Variants in CYFIP1 observed in about 807,000 individuals in gnomAD.
CYFIP1 encodes cytoplasmic FMR1-interacting protein 1.
A neutral mutation model predicts 163.5 loss-of-function variants in CYFIP1; 58 were observed. The observed-to-expected ratio is 0.35, with a 90% confidence interval of 0.29 to 0.44. The LOEUF (loss-of-function observed/expected upper bound fraction) is 0.44. CYFIP1 is among the 20% of genes least tolerant of loss of function. The probability of loss-of-function intolerance (pLI) is 1.00; values close to 1 mark genes in which losing one functional copy is unlikely to be tolerated. For synonymous variants in CYFIP1, 663 were observed against 660.7 expected, an observed-to-expected ratio of 1.00 and a Z score of -0.05; for missense variants, 1,338 against 1,653.8, an observed-to-expected ratio of 0.81 and a Z score of 3.31.
At chr15:22,927,754 G>A (rs8029108) in intron 12 of CYFIP1, 152 bp downstream of exon 12, 389,356 of 660,374 alleles carry the variant, frequency 0.59, 117,458 homozygotes, top group East Asian at 0.77. Context: ...ACATAAATGA[G>A]ATGTACTTAA....
At chr15:22,874,670 T>C (rs2059532492) in intron 27 of CYFIP1, 26 bp from the exon 28 acceptor site, 1 of 1,495,756 alleles carries the variant, frequency 6.7e-7, no homozygotes, top group African/African-American at 1.4e-5. Flanking sequence ...TATTTTACTA[T>C]ATTCTGCTCC....
intron 13 of CYFIP1, among the ~76,000 whole-genome samples, chr15:22,921,134 C>T (rs2061161920): frequency 1.3e-5 from 2 of 152,078 alleles, no homozygotes; most frequent in South Asian, 4.1e-4. Flanking sequence ...TTTTGGGAGG[C>T]CGAGGCAGGC....
Position 22,881,927 on chromosome 15 carries a change from T to C in CYFIP1, c.2830A>G (p.Thr944Ala). ...AGCGTCTTCACGTACTGCAGGATTG[T>C]GCCTTGCAGCTGCCGGGGAGATGAG... Reference protein sequence around the residue: ...LKVVKSLLQGTILQYVKTLME... With the variant: ...LKVVKSLLQGAILQYVKTLME... Residue 944 changes from threonine to alanine, a missense_variant, in exon 25 of 31, where the codon ACA (threonine) becomes GCA (alanine). Physicochemically the swap from Thr to Ala is moderately conservative, Grantham distance 58 (BLOSUM62 0). Around this residue, in one of 4 missense-constraint regions of CYFIP1, gnomAD observed 824 missense variants for 995.7 expected, o/e 0.83. Coordinates refer to ENST00000617928, the MANE Select transcript of CYFIP1 (RefSeq NM_014608.6). 1 of 1,612,222 alleles carries C rather than the reference T, an allele frequency of 6.2e-7. No individual in the cohort carries two copies. Among genetic ancestry groups the C allele is most frequent in the African/African-American group, 1.3e-5 (1 of 75,048 alleles).
intron 23 of CYFIP1, 89 bp downstream of exon 23, chr15:22,892,801 G>C (rs1483385969): frequency 1.1e-6 from 1 of 906,810 alleles, no homozygotes; most frequent in Non-Finnish European, 1.8e-6. Flanking sequence ...GATACATTTA[G>C]GTCACTGCAA....
intron 30 of CYFIP1, among the ~76,000 whole-genome samples, chr15:22,872,209 C>T (rs570592425): frequency 6.6e-6 from 1 of 150,542 alleles, no homozygotes; most frequent in Non-Finnish European, 1.5e-5. Flanking sequence ...GCAGGAGAAT[C>T]ACTTGAACCT....
chr15:22,879,708 G>C (rs191663006), intron 26 of CYFIP1, among the ~76,000 whole-genome samples: 1 of 150,194 alleles, frequency 6.7e-6, no homozygotes, highest in East Asian at 1.9e-4. Flanking sequence ...ACATTCTTGA[G>C]ACAGTGAACT....
At chr15:22,871,374 TAATTG>T (rs1248867633) in intron 30 of CYFIP1, among the ~76,000 whole-genome samples, 1 of 152,198 alleles carries the variant, frequency 6.6e-6, no homozygotes, top group African/African-American at 2.4e-5. Flanking sequence ...TTGAAGAACC[TAATTG>T]AACTTTAAAA....
intron 26 of CYFIP1, among the ~76,000 whole-genome samples, chr15:22,878,168 C>T (rs542094865): frequency 8.5e-5 from 13 of 152,322 alleles, no homozygotes; most frequent in Non-Finnish European, 1.6e-4. Context: ...CAAGCCAATA[C>T]GCTTCGCCAG....
chr15:22,943,076 A>T (rs1457094921), intron 6 of CYFIP1, 97 bp downstream of exon 6: 10 of 1,201,884 alleles, frequency 8.3e-6, no homozygotes, highest in Non-Finnish European at 1.2e-5. Flanking sequence ...AGAAGTGACG[A>T]CTTCAGCAAA....
At chr15:22,957,553 G>C (rs539445247) in intron 1 of CYFIP1, among the ~76,000 whole-genome samples, 33 of 152,204 alleles carry the variant, frequency 2.2e-4, no homozygotes, top group African/African-American at 7.0e-4. Flanking sequence ...GGAGAATGGC[G>C]TGAACCCAGG....
At chr15:22,918,641 T>C (rs2061076375) in intron 14 of CYFIP1, 51 bp downstream of exon 14, 1 of 1,465,260 alleles carries the variant, frequency 6.8e-7, no homozygotes, top group East Asian at 2.5e-5. Flanking sequence ...GAATCCAAGT[T>C]CATCCGAGGA....
chr15:22,883,561 T>C (rs2059834805), intron 23 of CYFIP1, among the ~76,000 whole-genome samples: 1 of 152,166 alleles, frequency 6.6e-6, no homozygotes, highest in South Asian at 2.1e-4. Context: ...CTCACACCTG[T>C]AATCCCAGCC....
At position 22,966,295 on chromosome 15, in the gene CYFIP1, C is replaced by T. The variant is rs559971457; in HGVS notation, c.-7+13992G>A. 1.4e-4 allele frequency among the ~76,000 whole-genome samples: 22 copies of T among 151,850 alleles called. 1 individual carries two copies. In the South Asian group the frequency reaches 4.2e-3, roughly 29 times the overall value. On this transcript the variant is annotated intron_variant, in intron 1 of 30. Transcript: ENST00000617928. ...GGCTGAGGCAGGAGAATCGCTCGAA[C>T]CCGGGAGGCAGAGGTTGCGGTGGGC...
At chr15:22,905,830 G>C (rs1256807165) in intron 21 of CYFIP1, among the ~76,000 whole-genome samples, 2 of 151,740 alleles carry the variant, frequency 1.3e-5, no homozygotes, top group Non-Finnish European at 2.9e-5. Context: ...AACGATCTCG[G>C]CTCACTGCAA....
chr15:22,910,851 C>T, intron 18 of CYFIP1, 38 bp from the exon 19 acceptor site: 2 of 1,536,680 alleles, frequency 1.3e-6, no homozygotes, highest in Non-Finnish European at 1.8e-6. Context: ...GTTTGATTCC[C>T]TAAAGCAAGA....
chr15:22,913,206 A>G lies in CYFIP1; in HGVS notation c.1986-931T>C, dbSNP rs543674153. Among the ~76,000 whole-genome samples, 170 of 139,166 alleles carry G rather than the reference A, an allele frequency of 1.2e-3. 1 individual carries two copies. Among genetic ancestry groups the G allele is most frequent in the Middle Eastern group, 0.011 (3 of 262 alleles). 91.3% of individuals were successfully genotyped at this position (139,166 alleles called of 152,430 possible). A position where few individuals can be genotyped will look rare whatever the true frequency, so the allele number is the denominator to read the frequency against. ...GCAAGACCTTGTCTCTGTTGGGGGGAAAAAAAAAAAGAATGAACTGACTGG... is the reference window on the plus strand; with the variant it reads ...GCAAGACCTTGTCTCTGTTGGGGGGGAAAAAAAAAAGAATGAACTGACTGG... On this transcript the variant is annotated intron_variant, in intron 17 of 30. Transcript: ENST00000617928.
chr15:22,957,465 C>A (rs1013658838), intron 1 of CYFIP1, among the ~76,000 whole-genome samples: 1 of 152,032 alleles, frequency 6.6e-6, no homozygotes. Flanking sequence ...TGAAACCCCA[C>A]CTCTACTAAA....
intron 16 of CYFIP1, among the ~76,000 whole-genome samples, chr15:22,915,369 C>A (rs1045213338): frequency 2.6e-5 from 4 of 152,014 alleles, no homozygotes; most frequent in African/African-American, 9.7e-5. Flanking sequence ...AAGTGATTCT[C>A]CTGCCTTGGC....
At chr15:22,878,776 C>A (rs1386168153) in intron 26 of CYFIP1, among the ~76,000 whole-genome samples, 2 of 149,848 alleles carry the variant, frequency 1.3e-5, no homozygotes, top group Admixed American at 1.3e-4. Flanking sequence ...AGGTAAGCCA[C>A]AAATGGGAGA....
Sources: gnomAD v4.1 joint callset for allele counts (sites outside exome capture counted in the v4.1 genomes callset) on GRCh38, gnomAD v4.1.1 for gene constraint, gnomAD v4.1.1 regional missense constraint, MANE v1.5 for transcripts, NCBI Gene and HGNC (gene_info 2026-07-23, HGNC 2026-07-21) for gene names.